CASS4: variants seen among roughly 807,000 people sequenced by gnomAD.
CASS4 encodes cas scaffolding protein family member 4.
Under a neutral mutation model 54.2 loss-of-function variants are expected in CASS4, and 22 were observed. The ratio of observed to expected loss-of-function variants is 0.41; its 90% CI spans 0.29 to 0.58. The LOEUF (loss-of-function observed/expected upper bound fraction) is 0.58, where lower values mean the gene tolerates loss of function less well. CASS4 is among the 20% of genes least tolerant of loss of function. The pLI, the probability that CASS4 is intolerant of heterozygous loss-of-function variation, is 0.36. For missense variants in CASS4, 854 were observed against 986.7 expected, an observed-to-expected ratio of 0.87 and a Z score of 1.80; for synonymous variants, 409 against 391.5, an observed-to-expected ratio of 1.04 and a Z score of -0.53.
chr20:56,442,480 A>G (rs1310846726), intron 2 of CASS4, among the ~76,000 whole-genome samples: 2 of 151,698 alleles, frequency 1.3e-5, no homozygotes, highest in Non-Finnish European at 2.9e-5. Context: ...CACTTTACTG[A>G]AATTTCACCT....
At chr20:56,438,099 G>A (rs1328123538) in intron 2 of CASS4, among the ~76,000 whole-genome samples, 2 of 152,068 alleles carry the variant, frequency 1.3e-5, no homozygotes, top group Admixed American at 1.3e-4. Context: ...GACCAGCCTG[G>A]GCAACATAGT....
Position 56,437,140 on chromosome 20 carries a change from C to A in CASS4, c.37-24C>A. ...CTGGCCACGGTGCTAACTGCAAATT[C>A]TCTTCTCCCCTCTCCACCCACAGGC... On this transcript the variant is annotated intron_variant, in intron 1 of 5. Transcript: ENST00000679887. This position sits in a 1 kb window ranked among gnomAD's most constrained non-coding sequence, Gnocchi z 4.7. 4.6e-6 allele frequency: 7 copies of A among 1,517,010 alleles called. No individual in the cohort carries two copies. The highest frequency in any genetic ancestry group is 6.2e-6 in the Non-Finnish European group (7 of 1,130,800). The allele number at this position is 1,517,010 out of a possible 1,614,324, so 94.0% of individuals were successfully genotyped here. A position where few individuals can be genotyped will look rare whatever the true frequency, so the allele number is the denominator to read the frequency against.
chr20:56,453,306 CA>C, intron 5 of CASS4, 177 bp downstream of exon 5: 2 of 589,872 alleles, frequency 3.4e-6, no homozygotes, highest in Non-Finnish European at 5.9e-6. Context: ...ATTAACAAGT[CA>C]GATAAAGATA....
intron 4 of CASS4, among the ~76,000 whole-genome samples, chr20:56,451,020 TA>T (rs113539482): frequency 0.18 from 24,554 of 140,252 alleles, 3,429 homozygotes; most frequent in African/African-American, 0.39. Context: ...ATACAAAAAT[TA>T]AAAAAAAAAA....
intron 1 of CASS4, among the ~76,000 whole-genome samples, chr20:56,418,694 G>A (rs951317481): frequency 3.9e-5 from 6 of 152,204 alleles, no homozygotes; most frequent in East Asian, 1.9e-4. Flanking sequence ...ACCGCTGGTC[G>A]CCGTGTCGGG....
chr20:56,439,163 A>T (rs542442135), intron 2 of CASS4, among the ~76,000 whole-genome samples: 1 of 152,158 alleles, frequency 6.6e-6, no homozygotes, highest in African/African-American at 2.4e-5. Flanking sequence ...TAACTTTTTA[A>T]AATATCAATT....
At position 56,449,306 on chromosome 20, in the gene CASS4, G is replaced by T. The variant is rs933531563; in HGVS notation, c.562-1293G>T. 5.3e-5 allele frequency among the ~76,000 whole-genome samples: 8 copies of T among 152,292 alleles called. 1 individual carries two copies. Among genetic ancestry groups the T allele is most frequent in the East Asian group, 1.9e-4 (1 of 5,194 alleles). ...AAAAAACGATGAGTTCATGTCCTTT[G>T]TAGGAACATGGATGAAGCTGGAAAC... is the stretch of plus-strand genomic sequence containing the variant. On this transcript the variant is annotated intron_variant, in intron 3 of 5. Coordinates refer to ENST00000679887, the MANE Select transcript of CASS4 (RefSeq NM_020356.4).
chr20:56,422,183 G>T (rs1979445104), intron 1 of CASS4, among the ~76,000 whole-genome samples: 1 of 152,222 alleles, frequency 6.6e-6, no homozygotes. Flanking sequence ...AGCTGGCAAG[G>T]AATAGACTTG....
chr20:56,431,329 C>T (rs187460707), intron 1 of CASS4, among the ~76,000 whole-genome samples: 3 of 152,312 alleles, frequency 2.0e-5, no homozygotes, highest in Non-Finnish European at 2.9e-5. Flanking sequence ...GCATTTCATT[C>T]GTCTTTTGTA....
intron 5 of CASS4, among the ~76,000 whole-genome samples, chr20:56,455,108 T>C (rs971393563): frequency 6.8e-5 from 10 of 147,402 alleles, no homozygotes; most frequent in African/African-American, 2.5e-4. Flanking sequence ...CAACACCTCT[T>C]TTACACTTGA....
Position 56,437,589 on chromosome 20 carries a change from A to G in CASS4, c.459+3A>G. The stretch of plus-strand genomic sequence containing the variant: ...AGACTCTCAGCTTTCCAAAACAGGT[A>G]CGCATACTTCCACCTACTAGACATG... On this transcript the variant is annotated splice_donor_region_variant and intron_variant, in intron 2 of 5. Transcript: ENST00000679887. The surrounding 1 kb of genome is among the most constrained non-coding windows in gnomAD (Gnocchi z 4.7). The G allele has an allele frequency of 1.3e-6, 2 of 1,526,608 alleles. No homozygotes were observed. Among genetic ancestry groups the G allele is most frequent in the Non-Finnish European group, 1.8e-6 (2 of 1,137,236 alleles). The allele number at this position is 1,526,608 out of a possible 1,614,324, so 94.6% of individuals were successfully genotyped here.
At chr20:56,425,882 A>G (rs917933476) in intron 1 of CASS4, among the ~76,000 whole-genome samples, 1 of 152,192 alleles carries the variant, frequency 6.6e-6, no homozygotes, top group Non-Finnish European at 1.5e-5. Flanking sequence ...TTCCAGAAAG[A>G]TGCTATACTT....
chr20:56,423,157 A>G (rs987531150), intron 1 of CASS4, among the ~76,000 whole-genome samples: 1 of 152,268 alleles, frequency 6.6e-6, no homozygotes, highest in Non-Finnish European at 1.5e-5. Context: ...AAACTCCTAC[A>G]GAAAGATTTC....
In CASS4 at chr20:56,452,193, A is replaced by C. The variant is rs745844917; in HGVS notation, c.1017A>C (p.Arg339=). 7 of 1,614,054 alleles carry C rather than the reference A, an allele frequency of 4.3e-6. No homozygotes were observed. Among genetic ancestry groups the C allele is most frequent in the Non-Finnish European group, 1.7e-6 (2 of 1,180,036 alleles). The part of the protein sequence containing the change: ...YKVPSSFLIP[R]VEQQNTKPNI... ...TTCCTTCAAGCTTTCTGATTCCCCG[A>C]GTGGAACAGCAGAACACCAAGCCCA... The change falls in exon 5 of 6, where the codon CGA becomes CGC. Residue 339 remains arginine, a synonymous_variant. Transcript: ENST00000679887.
rs1418840540 is a variant in CASS4 at position 56,452,544 on chromosome 20, T to C, written c.1368T>C (p.Ala456=). 1 of 1,614,196 alleles carries C rather than the reference T, an allele frequency of 6.2e-7. No homozygotes were observed. Among genetic ancestry groups the C allele is most frequent in the Non-Finnish European group, 8.5e-7 (1 of 1,180,020 alleles). The change falls in exon 5 of 6, where the codon GCT becomes GCC. Residue 456 remains alanine, a synonymous_variant. Transcript: ENST00000679887. ...ALQHKVVSSV[A]GLMLFVSRKW... Reference sequence around the variant, plus strand: ...AGCACAAGGTGGTCAGCTCTGTCGCTGGCCTGATGCTCTTTGTCAGCAGGA... The same window carrying C: ...AGCACAAGGTGGTCAGCTCTGTCGCCGGCCTGATGCTCTTTGTCAGCAGGA...
intron 1 of CASS4, among the ~76,000 whole-genome samples, chr20:56,427,427 C>T (rs1979699229): frequency 6.6e-6 from 1 of 152,048 alleles, no homozygotes; most frequent in South Asian, 2.1e-4. Flanking sequence ...GGAAAGTAAA[C>T]ATTCACAAGC....
chr20:56,434,871 G>T (rs140252002), intron 1 of CASS4, among the ~76,000 whole-genome samples: 2,317 of 152,272 alleles, frequency 0.015, 32 homozygotes, highest in South Asian at 0.025. Context: ...CAAAAGAAAA[G>T]ATCTGGAAAC....
chr20:56,450,489 A>G (rs1980943515), intron 3 of CASS4, 110 bp from the exon 4 acceptor site: 2 of 994,820 alleles, frequency 2.0e-6, no homozygotes, highest in Middle Eastern at 4.2e-4. Flanking sequence ...AAAAGTCTTC[A>G]GGAATTTGTG....
chr20:56,427,017 T>C (rs1979670079), intron 1 of CASS4, among the ~76,000 whole-genome samples: 1 of 152,112 alleles, frequency 6.6e-6, no homozygotes, highest in African/African-American at 2.4e-5. Context: ...CTCCCTAAGC[T>C]AGGCATGGTG....
Sources: gnomAD v4.1 joint callset for allele counts (sites outside exome capture counted in the v4.1 genomes callset) on GRCh38, gnomAD v4.1.1 for gene constraint, Gnocchi (gnomAD v3.1) non-coding constraint, MANE v1.5 for transcripts, NCBI Gene and HGNC (gene_info 2026-07-23, HGNC 2026-07-21) for gene names.